Variants in LYSMD1 observed in about 807,000 individuals in gnomAD.
LYSMD1 encodes LysM domain containing 1, also known as lysM and putative peptidoglycan-binding domain-containing protein 1.
In LYSMD1, 9 loss-of-function variants were observed where a neutral mutation model predicts 19.3. That is an observed-to-expected ratio of 0.47 (90% confidence interval 0.28 to 0.81). The LOEUF (loss-of-function observed/expected upper bound fraction) is 0.81, where lower values mean the gene tolerates loss of function less well. LYSMD1 is among the 40% of genes least tolerant of loss of function. LYSMD1 has a pLI of 0.11. For missense variants in LYSMD1, 262 were observed against 279.8 expected (o/e 0.94, Z 0.45); for synonymous variants, 111 against 111.7 (o/e 0.99, Z 0.04).
intron 1 of LYSMD1, 33 bp downstream of exon 1, chr1:151,165,046 C>G: frequency 6.3e-7 from 1 of 1,594,114 alleles, no homozygotes; most frequent in Non-Finnish European, 8.6e-7. Flanking sequence ...TCCCTCCTGA[C>G]TGTTGTCTTC....
downstream of LYSMD1, chr1:151,158,687 C>A (rs753176739): frequency 9.5e-6 from 15 of 1,586,068 alleles, no homozygotes; most frequent in Non-Finnish European, 1.3e-5. Context: ...ATACCCCACT[C>A]TCCAGGACCC....
At chr1:151,150,975 G>C in the LYSMD1 span, among the ~76,000 whole-genome samples, 1 of 151,930 alleles carries the variant, frequency 6.6e-6, no homozygotes, top group Non-Finnish European at 1.5e-5. Flanking sequence ...CTGACCTCAA[G>C]CGATCTGCCC....
In LYSMD1 at chr1:151,165,230, G is replaced by A. The variant is rs1024773418; in HGVS notation, c.29C>T (p.Pro10Leu). MASPSRQPP[P>L]GGSGLLQGSR... ...CCCTTGAAGCAGTCCTGACCCCCCT[G>A]GCGGGGGCTGTCTAGACGGGGAAGC... Residue 10 changes from proline (P) to leucine (L), a missense_variant, in exon 1 of 3, where the codon CCA becomes CTA. Physicochemically the swap from Pro to Leu is moderately conservative, Grantham distance 98. Coordinates refer to ENST00000368908, the MANE Select transcript of LYSMD1 (RefSeq NM_212551.5). 1 of 1,613,806 alleles carries A rather than the reference G, an allele frequency of 6.2e-7. No individual in the cohort carries two copies. The highest frequency in any genetic ancestry group is 1.7e-5 in the Admixed American group (1 of 59,960).
chr1:151,161,834 G>A lies in LYSMD1; in HGVS notation c.447C>T (p.Ile149=). The change falls in exon 2 of 3, where the codon ATC becomes ATT. Residue 149 remains isoleucine (I), a synonymous_variant. Transcript: ENST00000368908. ...PTPGQETPTP[I]HDLSASDFLK... ...GGAAATCAGAGGCAGAGAGGTCATG[G>A]ATGGGCGTGGGGGTTTCCTGGCCAG... 1 of 1,613,816 alleles carries A rather than the reference G, an allele frequency of 6.2e-7. No individual in the cohort carries two copies. The highest frequency in any genetic ancestry group is 8.5e-7 in the Non-Finnish European group (1 of 1,179,924).
downstream of LYSMD1, chr1:151,159,245 A>G (rs587600167): frequency 9.9e-6 from 16 of 1,611,282 alleles, no homozygotes; most frequent in South Asian, 1.8e-4. Flanking sequence ...GACGAAGGGA[A>G]GCTCTGAGAG....
In LYSMD1 at chr1:151,162,245, T is replaced by C. The variant is rs867582613; in HGVS notation, c.181-145A>G. 1.7e-4 allele frequency: 136 copies of C among 816,564 alleles called. No individual in the cohort carries two copies. The African/African-American group carries it at 1.8e-3, about 11-fold the overall frequency. The allele number at this position is 816,564 out of a possible 1,614,324, so 50.6% of individuals were successfully genotyped here. A position where few individuals can be genotyped will look rare whatever the true frequency, so the allele number is the denominator to read the frequency against. On this transcript the variant is annotated intron_variant, in intron 1 of 2. Coordinates refer to ENST00000368908, the MANE Select transcript of LYSMD1 (RefSeq NM_212551.5). ...AAGGGCTGACATTATTTCTATTCTATAGATGAGTGGTTTTCACACTTTTTG... is the reference window on the plus strand; with the variant it reads ...AAGGGCTGACATTATTTCTATTCTACAGATGAGTGGTTTTCACACTTTTTG...
At chr1:151,158,693 G>A (rs887152597), downstream of LYSMD1, 6 of 1,590,042 alleles carry the variant, frequency 3.8e-6, no homozygotes, top group African/African-American at 2.7e-5. Context: ...CACTCTCCAG[G>A]ACCCATGGAG....
chr1:151,158,329 A>G (rs1056008168), downstream of LYSMD1, among the ~76,000 whole-genome samples: 2 of 151,914 alleles, frequency 1.3e-5, no homozygotes, highest in Admixed American at 1.3e-4. Context: ...TCTCAAAAAA[A>G]AAAAAAAAAA....
In LYSMD1 at chr1:151,165,653, T is replaced by A; in HGVS notation, c.-395A>T. On this transcript the variant is annotated 5_prime_UTR_variant, in exon 1 of 3. Transcript: ENST00000368908. ...ATCCCAGCTCTCCCCGGTCCCGGGGTTTGTTTGCTAGAGTCAGGAACAAAT... is the reference window on the plus strand; with the variant it reads ...ATCCCAGCTCTCCCCGGTCCCGGGGATTGTTTGCTAGAGTCAGGAACAAAT... 6.5e-7 allele frequency: 1 copy of A among 1,548,082 alleles called. No individual in the cohort carries two copies. The highest frequency in any genetic ancestry group is 8.7e-7 in the Non-Finnish European group (1 of 1,146,122).
the LYSMD1 span, among the ~76,000 whole-genome samples, chr1:151,154,707 G>A: frequency 3.3e-5 from 5 of 151,784 alleles, no homozygotes; most frequent in Non-Finnish European, 7.4e-5. Context: ...GGGCAGAGGC[G>A]CGATCTCGGC....
downstream of LYSMD1, among the ~76,000 whole-genome samples, chr1:151,155,162 C>T (rs140412428): frequency 6.7e-4 from 102 of 152,322 alleles, no homozygotes; most frequent in East Asian, 1.9e-3. Flanking sequence ...TTCCTGAGAA[C>T]GTCCTGTATT....
intron 1 of LYSMD1, among the ~76,000 whole-genome samples, 196 bp downstream of exon 1, chr1:151,164,883 T>C (rs587688890): frequency 6.6e-5 from 10 of 152,308 alleles, no homozygotes; most frequent in African/African-American, 2.2e-4. Flanking sequence ...CATAATAAAA[T>C]AGGAGCTGTT....
chr1:151,163,251 G>T (rs1480372397), intron 1 of LYSMD1, among the ~76,000 whole-genome samples: 1 of 151,794 alleles, frequency 6.6e-6, no homozygotes, highest in Non-Finnish European at 1.5e-5. Context: ...AATGCATACT[G>T]TAAATATTGC....
chr1:151,164,940 G>A, intron 1 of LYSMD1, 139 bp downstream of exon 1: 1 of 713,782 alleles, frequency 1.4e-6, no homozygotes, highest in South Asian at 2.0e-5. Flanking sequence ...CACTGTGATG[G>A]GAAAACAAAG....
downstream of LYSMD1, among the ~76,000 whole-genome samples, chr1:151,158,484 T>C (rs1289808308): frequency 6.6e-6 from 1 of 151,458 alleles, no homozygotes; most frequent in African/African-American, 2.4e-5. Context: ...TGTTTTGGAG[T>C]CAAGATTTGC....
At chr1:151,154,569 G>A in the LYSMD1 span, among the ~76,000 whole-genome samples, 3 of 152,086 alleles carry the variant, frequency 2.0e-5, no homozygotes, top group Non-Finnish European at 4.4e-5. Context: ...GTAAAGACTA[G>A]GTAGCAGAAT....
Position 151,162,023 on chromosome 1 carries a change from G to A in LYSMD1, c.258C>T (p.Ile86=). 6.2e-7 allele frequency: 1 copy of A among 1,613,748 alleles called. No individual in the cohort carries two copies. Among genetic ancestry groups the A allele is most frequent in the Non-Finnish European group, 8.5e-7 (1 of 1,179,942 alleles). ...IFLKKTLYIP[I]LTEPRDLFNG... ...TGAACAGGTCTCTGGGCTCTGTCAGGATGGGGATGTAGAGGGTTTTCTTCA... is the reference window on the plus strand; with the variant it reads ...TGAACAGGTCTCTGGGCTCTGTCAGAATGGGGATGTAGAGGGTTTTCTTCA... The change falls in exon 2 of 3, where the codon ATC becomes ATT. Residue 86 remains isoleucine (I), a synonymous_variant. Coordinates refer to ENST00000368908, the MANE Select transcript of LYSMD1 (RefSeq NM_212551.5).
Position 151,161,973 on chromosome 1 carries a change from T to C in LYSMD1, c.308A>G (p.Lys103Arg). ...LFNGLDSEEE[K>R]DGEEKVHPSN... is the part of the protein sequence containing the mutation. ...TGGGTGTACTTTTTCCTCTCCATCTTTCTCTTCCTCAGAGTCCAAACCATT... is the reference window on the plus strand; with the variant it reads ...TGGGTGTACTTTTTCCTCTCCATCTCTCTCTTCCTCAGAGTCCAAACCATT... The change falls in exon 2 of 3, where the codon AAA (lysine) becomes AGA (arginine). Residue 103 changes from lysine (K) to arginine (R), a missense_variant. Transcript: ENST00000368908. 3 of 1,614,184 alleles carry C rather than the reference T, an allele frequency of 1.9e-6. No homozygotes were observed. Among genetic ancestry groups the C allele is most frequent in the Non-Finnish European group, 2.5e-6 (3 of 1,180,032 alleles).
rs1443024205 is a variant in LYSMD1 at position 151,161,783 on chromosome 1, G to A, written c.498C>T (p.Ser166=). 4 of 1,613,326 alleles carry A rather than the reference G, an allele frequency of 2.5e-6. No individual in the cohort carries two copies. The highest frequency in any genetic ancestry group is 1.7e-5 in the Admixed American group (1 of 59,660). ...DFLKKLDSQI[S]LSKKAAAQKL... is the part of the protein sequence containing the mutation. ...TCTGAGCAGCAGCCTTCTTGGACAG[G>A]CTGATCTGTGAATCAAGCTTCTTAA... Residue 166 remains serine, a synonymous_variant, in exon 2 of 3, where the codon AGC becomes AGT. Coordinates refer to ENST00000368908, the MANE Select transcript of LYSMD1 (RefSeq NM_212551.5).
Sources: allele counts gnomAD v4.1 joint callset (sites outside exome capture counted in the v4.1 genomes callset), GRCh38; gene constraint gnomAD v4.1.1; transcripts MANE v1.5; gene names NCBI Gene and HGNC (gene_info 2026-07-23, HGNC 2026-07-21).